CNTNAP2: variants seen among roughly 807,000 people sequenced by gnomAD.
The protein encoded by CNTNAP2 is contactin-associated protein-like 2.
A neutral mutation model predicts 155.2 loss-of-function variants in CNTNAP2; 98 were observed. That is an observed-to-expected ratio of 0.63 (90% confidence interval 0.54 to 0.75). CNTNAP2 has a LOEUF of 0.75. Among genes scored for constraint, CNTNAP2 ranks in the 30% least tolerant of loss-of-function variants. The pLI, the probability that CNTNAP2 is intolerant of heterozygous loss-of-function variation, is 0.00. For missense variants in CNTNAP2, 1,727 were observed against 1,688.1 expected (o/e 1.02, Z -0.40); for synonymous variants, 651 against 631.2 (o/e 1.03, Z -0.47).
intron 17 of CNTNAP2, among the ~76,000 whole-genome samples, chr7:148,158,645 C>T (rs1014351173): frequency 1.3e-5 from 2 of 152,132 alleles, no homozygotes; most frequent in East Asian, 1.9e-4. Context: ...AGAAACTTTA[C>T]GGTGAACATT....
At chr7:147,952,173 T>C (rs908944469) in intron 14 of CNTNAP2, among the ~76,000 whole-genome samples, 2 of 147,648 alleles carry the variant, frequency 1.4e-5, no homozygotes, top group African/African-American at 5.0e-5. Context: ...CCAGGCACGG[T>C]GGCCCACACC....
chr7:147,282,519 TTATACTTTTTAG>T (rs1485873884), intron 8 of CNTNAP2, among the ~76,000 whole-genome samples: 3 of 151,760 alleles, frequency 2.0e-5, no homozygotes, highest in Non-Finnish European at 4.4e-5. Flanking sequence ...AACCATCTGG[TTATACTTTTTAG>T]TCTAAGGCAT....
chr7:147,835,900 C>T (rs851709), intron 13 of CNTNAP2, among the ~76,000 whole-genome samples: 37,384 of 152,022 alleles, frequency 0.25, 4,702 homozygotes, highest in East Asian at 0.38. Flanking sequence ...ATGCCAGGAG[C>T]CATGAGAAGC....
At position 147,680,993 on chromosome 7, in the gene CNTNAP2, AT is replaced by A. The variant is rs565715655; in HGVS notation, c.2098+41689del. ...CATGTATAAAGACAGAATATTTAAC[AT>A]TAGAATATTTTGTTATTCTTGTTTG... On this transcript the variant is annotated intron_variant, in intron 13 of 23. Transcript: ENST00000361727. Among the ~76,000 whole-genome samples, 121 of 152,078 alleles carry A rather than the reference AT, an allele frequency of 8.0e-4. 1 individual carries two copies. The South Asian group carries it at 0.025, about 31-fold the overall frequency.
At chr7:147,523,572 G>A (rs141825620) in intron 11 of CNTNAP2, among the ~76,000 whole-genome samples, 4 of 152,266 alleles carry the variant, frequency 2.6e-5, no homozygotes, top group Admixed American at 2.6e-4. Flanking sequence ...CCTGGAGACA[G>A]CTGAAGAATT....
chr7:147,321,500 T>G (rs1298924611), intron 9 of CNTNAP2, among the ~76,000 whole-genome samples: 1 of 152,208 alleles, frequency 6.6e-6, no homozygotes, highest in East Asian at 1.9e-4. Flanking sequence ...CATTTTAGAC[T>G]GTCAACATAA....
chr7:147,720,225 G>A (rs1434854525), intron 13 of CNTNAP2, among the ~76,000 whole-genome samples: 2 of 152,120 alleles, frequency 1.3e-5, no homozygotes, highest in East Asian at 1.9e-4. Context: ...AGGAAAAAGA[G>A]CATTTATGGT....
At chr7:147,355,149 G>A (rs1175277356) in intron 9 of CNTNAP2, among the ~76,000 whole-genome samples, 1 of 151,906 alleles carries the variant, frequency 6.6e-6, no homozygotes, top group African/African-American at 2.4e-5. Context: ...TTCGAGTAAA[G>A]TGGAACCCGT....
At chr7:146,435,685 G>A (rs142342738) in intron 1 of CNTNAP2, among the ~76,000 whole-genome samples, 47 of 152,234 alleles carry the variant, frequency 3.1e-4, no homozygotes, top group African/African-American at 8.2e-4. Flanking sequence ...TGATAAAAAC[G>A]TGTGTATGTC....
intron 15 of CNTNAP2, among the ~76,000 whole-genome samples, chr7:148,060,722 T>C (rs1182721673): frequency 1.3e-5 from 2 of 152,208 alleles, no homozygotes; most frequent in Non-Finnish European, 2.9e-5. Context: ...TGCTTGAAAA[T>C]TAAGGCTTAT....
chr7:147,606,457 A>G (rs1171310873), intron 12 of CNTNAP2, among the ~76,000 whole-genome samples: 3 of 152,242 alleles, frequency 2.0e-5, no homozygotes, highest in Admixed American at 1.3e-4. Context: ...ATGATGATTT[A>G]TCCTATTTAA....
intron 11 of CNTNAP2, among the ~76,000 whole-genome samples, chr7:147,510,865 A>ATG (rs1562972921): frequency 7.0e-6 from 1 of 142,478 alleles, no homozygotes; most frequent in Non-Finnish European, 1.5e-5. Context: ...ATATATATAT[A>ATG]TATATAATGC....
chr7:147,374,326 T>G (rs1796399030), intron 9 of CNTNAP2, among the ~76,000 whole-genome samples: 1 of 152,140 alleles, frequency 6.6e-6, no homozygotes, highest in Admixed American at 6.6e-5. Flanking sequence ...TAACATGTTT[T>G]TTTCACTGTT....
At chr7:147,922,946 T>C (rs1585030347) in intron 14 of CNTNAP2, among the ~76,000 whole-genome samples, 1 of 151,672 alleles carries the variant, frequency 6.6e-6, no homozygotes, top group Non-Finnish European at 1.5e-5. Flanking sequence ...GACACCTTAG[T>C]CAAGTGTCCA....
chr7:148,140,921 G>T (rs1461249016), intron 16 of CNTNAP2, among the ~76,000 whole-genome samples: 1 of 152,216 alleles, frequency 6.6e-6, no homozygotes, highest in Non-Finnish European at 1.5e-5. Context: ...CTATTACACA[G>T]TTCTGAAAAT....
chr7:146,336,540 A>G (rs1801278107), intron 1 of CNTNAP2, among the ~76,000 whole-genome samples: 1 of 121,112 alleles, frequency 8.3e-6, no homozygotes, highest in Non-Finnish European at 1.5e-5. Context: ...TCCATAAAGG[A>G]AAAAAAAAAC....
chr7:146,293,323 T>G (rs1042186522), intron 1 of CNTNAP2, among the ~76,000 whole-genome samples: 1 of 152,178 alleles, frequency 6.6e-6, no homozygotes. Flanking sequence ...TCTGAAGTTG[T>G]TCAGTTTTAG....
chr7:147,034,783 T>A (rs1024074696), intron 3 of CNTNAP2, among the ~76,000 whole-genome samples: 3 of 152,136 alleles, frequency 2.0e-5, no homozygotes, highest in Non-Finnish European at 2.9e-5. Context: ...GTCCCTTGGC[T>A]GAATCCGGTG....
chr7:147,487,666 A>G (rs952908702), intron 11 of CNTNAP2, among the ~76,000 whole-genome samples: 20 of 151,380 alleles, frequency 1.3e-4, no homozygotes, highest in African/African-American at 4.6e-4. Flanking sequence ...TTCTTTTTTT[A>G]TAACTGTTTC....
Sources: allele counts gnomAD v4.1 joint callset (sites outside exome capture counted in the v4.1 genomes callset), GRCh38; gene constraint gnomAD v4.1.1; transcripts MANE v1.5; gene names NCBI Gene and HGNC (gene_info 2026-07-23, HGNC 2026-07-21).